Variants in PDE4D observed in about 807,000 individuals in gnomAD.
The protein encoded by PDE4D is phosphodiesterase 4D.
Under a neutral mutation model 87.4 loss-of-function variants are expected in PDE4D, and 24 were observed. The ratio of observed to expected loss-of-function variants is 0.27; its 90% CI spans 0.20 to 0.39. The LOEUF is 0.39. PDE4D is among the 10% of genes least tolerant of loss of function. The pLI is 1.00. For synonymous variants in PDE4D, 384 were observed against 383.2 expected (o/e 1.00, Z -0.02); for missense variants, 714 against 1,041.0 (o/e 0.69, Z 4.32).
intron 1 of PDE4D, among the ~76,000 whole-genome samples, chr5:60,472,519 T>C (rs1321965926): frequency 6.6e-6 from 1 of 152,190 alleles, no homozygotes; most frequent in African/African-American, 2.4e-5. Context: ...CCTGAGATCC[T>C]TGTTGGTTAA....
intron 1 of PDE4D, among the ~76,000 whole-genome samples, chr5:59,341,653 A>G (rs1193903328): frequency 6.6e-6 from 1 of 152,196 alleles, no homozygotes; most frequent in African/African-American, 2.4e-5. Context: ...TAATATATCC[A>G]TATATATCCA....
chr5:59,815,823 A>G (rs1423020507), intron 1 of PDE4D, among the ~76,000 whole-genome samples: 1 of 152,236 alleles, frequency 6.6e-6, no homozygotes, highest in Non-Finnish European at 1.5e-5. Flanking sequence ...ATTTCAGCCT[A>G]AGGAGACTTC....
intron 1 of PDE4D, among the ~76,000 whole-genome samples, chr5:60,366,328 A>G (rs1444418568): frequency 6.6e-6 from 1 of 152,056 alleles, no homozygotes; most frequent in African/African-American, 2.4e-5. Context: ...ATTTACCCTC[A>G]AGTATAACTG....
chr5:59,175,114 T>C (rs1417621862), intron 5 of PDE4D, among the ~76,000 whole-genome samples: 2 of 152,170 alleles, frequency 1.3e-5, no homozygotes, highest in African/African-American at 4.8e-5. Context: ...ACTTCAAAAA[T>C]GGGATCACTG....
intron 1 of PDE4D, among the ~76,000 whole-genome samples, chr5:59,502,819 G>A (rs1009772175): frequency 2.0e-5 from 3 of 151,378 alleles, no homozygotes; most frequent in Non-Finnish European, 4.4e-5. Context: ...GAAAAGGAAA[G>A]GACAAACTAA....
At chr5:59,537,286 T>G (rs1273145989) in intron 1 of PDE4D, among the ~76,000 whole-genome samples, 2 of 152,222 alleles carry the variant, frequency 1.3e-5, no homozygotes, top group Non-Finnish European at 2.9e-5. Context: ...AAGTTTGTAT[T>G]TCACATAGAA....
chr5:60,105,274 G>A (rs1031582976), intron 2 of PDE4D, among the ~76,000 whole-genome samples: 5 of 152,166 alleles, frequency 3.3e-5, no homozygotes, highest in Non-Finnish European at 5.9e-5. Context: ...GATGGAAGAT[G>A]AAATGAATGA....
chr5:60,104,392 G>T (rs1776614985), intron 2 of PDE4D, among the ~76,000 whole-genome samples: 1 of 152,230 alleles, frequency 6.6e-6, no homozygotes, highest in East Asian at 1.9e-4. Flanking sequence ...CACAGCTCAA[G>T]GAGGCCTGCC....
intron 1 of PDE4D, among the ~76,000 whole-genome samples, chr5:59,227,073 C>T (rs995572493): frequency 6.6e-6 from 1 of 152,184 alleles, no homozygotes; most frequent in Admixed American, 6.5e-5. Context: ...ACAGGAATAA[C>T]TCAGTTTTAT....
chr5:59,465,060 G>A (rs1177924879), intron 1 of PDE4D, among the ~76,000 whole-genome samples: 1 of 152,122 alleles, frequency 6.6e-6, no homozygotes, highest in Non-Finnish European at 1.5e-5. Context: ...GCTTCCCATT[G>A]TTCTTAGGGT....
In PDE4D at chr5:59,229,267, G is replaced by A. The variant is rs147019023; in HGVS notation, c.456-13299C>T. On this transcript the variant is annotated intron_variant, in intron 1 of 14. Transcript: ENST00000340635. Reference sequence around the variant, plus strand: ...ATACATGGGTATCTTTAGACGCAGCGGTACTTTTTCTATACCGGTTATCAT... The same window carrying A: ...ATACATGGGTATCTTTAGACGCAGCAGTACTTTTTCTATACCGGTTATCAT... Among the ~76,000 whole-genome samples, 896 of 152,060 alleles carry A rather than the reference G, an allele frequency of 5.9e-3. 10 individuals are homozygous for A. The highest frequency in any genetic ancestry group is 0.017 in the African/African-American group (725 of 41,464).
intron 5 of PDE4D, among the ~76,000 whole-genome samples, chr5:59,173,361 A>G (rs568075544): frequency 2.2e-4 from 34 of 152,356 alleles, no homozygotes; most frequent in African/African-American, 7.0e-4. Flanking sequence ...ATAAAAGGCC[A>G]AAACAAATTC....
chr5:59,955,611 TC>T (rs1200910296), intron 3 of PDE4D, among the ~76,000 whole-genome samples: 1 of 152,216 alleles, frequency 6.6e-6, no homozygotes, highest in Non-Finnish European at 1.5e-5. Context: ...AGGAGCATTT[TC>T]TTTTTTAATA....
At chr5:60,239,570 T>C (rs1446247052) in intron 1 of PDE4D, among the ~76,000 whole-genome samples, 2 of 152,280 alleles carry the variant, frequency 1.3e-5, no homozygotes, top group Middle Eastern at 3.4e-3. Flanking sequence ...GCTTTAAGTA[T>C]AGTATATCTT....
chr5:60,023,873 G>A (rs1028536405), intron 2 of PDE4D, among the ~76,000 whole-genome samples: 3 of 152,160 alleles, frequency 2.0e-5, no homozygotes, highest in Non-Finnish European at 2.9e-5. Flanking sequence ...CAAAGTGAAC[G>A]TATGCACGAC....
At chr5:59,649,401 A>T (rs1742998958) in intron 1 of PDE4D, among the ~76,000 whole-genome samples, 1 of 152,182 alleles carries the variant, frequency 6.6e-6, no homozygotes, top group Non-Finnish European at 1.5e-5. Context: ...TAAGAAAAAC[A>T]CGTCAGCAGG....
rs115273724 is a variant in PDE4D, at chr5:59,301,865, A to G, written c.456-85897T>C. ...GGAATGACAGATGGTCATGGCTGGC[A>G]CCAAGAAGGGGAAAATTTCCTCCCA... is the stretch of plus-strand genomic sequence containing the variant. On this transcript the variant is annotated intron_variant, in intron 1 of 14. Coordinates refer to ENST00000340635, the MANE Select transcript of PDE4D (RefSeq NM_001104631.2). 3.5e-3 allele frequency among the ~76,000 whole-genome samples: 534 copies of G among 152,236 alleles called. 4 individuals carry two copies. The highest frequency in any genetic ancestry group is 0.012 in the African/African-American group (508 of 41,552).
chr5:59,762,250 GTACACATA>G (rs1256334876), intron 1 of PDE4D, among the ~76,000 whole-genome samples: 5 of 132,710 alleles, frequency 3.8e-5, no homozygotes, highest in African/African-American at 1.4e-4. Flanking sequence ...GTGTATATGG[GTACACATA>G]TGCGTATATG....
chr5:60,302,893 C>A (rs1378228096), intron 1 of PDE4D, among the ~76,000 whole-genome samples: 1 of 152,130 alleles, frequency 6.6e-6, no homozygotes, highest in African/African-American at 2.4e-5. Flanking sequence ...TGCAGTGGCA[C>A]AATCTCGCTC....
Sources: gnomAD v4.1 joint callset for allele counts (sites outside exome capture counted in the v4.1 genomes callset) on GRCh38, gnomAD v4.1.1 for gene constraint, MANE v1.5 for transcripts, NCBI Gene and HGNC (gene_info 2026-07-23, HGNC 2026-07-21) for gene names.